The following POM121C variants were observed in gnomAD, a reference collection of about 807,000 sequenced individuals.
POM121C encodes nuclear envelope pore membrane protein POM 121C.
POM121C carries 20 observed loss-of-function variants against 66.4 expected under a neutral mutation model. The observed-to-expected ratio is 0.30, with a 90% confidence interval of 0.21 to 0.44. The LOEUF is 0.44. Among genes scored for constraint, POM121C ranks in the 20% least tolerant of loss-of-function variants. POM121C has a pLI of 1.00. For synonymous variants in POM121C, 286 were observed against 528.0 expected (o/e 0.54, Z 6.28); for missense variants, 580 against 1,225.7 (o/e 0.47, Z 7.87).
At chr7:75,466,020 A>C (rs1236971665) in intron 3 of POM121C, among the ~76,000 whole-genome samples, 1 of 150,818 alleles carries the variant, frequency 6.6e-6, no homozygotes, top group Non-Finnish European at 1.5e-5. Context: ...AGTATTTGAG[A>C]GACTGTGGTG....
rs2116312487 is a variant in POM121C at position 75,418,765 on chromosome 7, G to A, written c.*31C>T. The A allele has an allele frequency of 6.4e-7, 1 of 1,567,978 alleles. No homozygotes were observed. Reference sequence around the variant, plus strand: ...GTGCCAAGGTCCAGATTTAGGGAAGGGGTGGGGGGAACAGGGACAGGGGAC... The same window carrying A: ...GTGCCAAGGTCCAGATTTAGGGAAGAGGTGGGGGGAACAGGGACAGGGGAC... On this transcript the variant is annotated 3_prime_UTR_variant, in exon 15 of 15. Coordinates refer to ENST00000615331, the MANE Select transcript of POM121C (RefSeq NM_001099415.3).
intron 7 of POM121C, among the ~76,000 whole-genome samples, chr7:75,431,646 C>T (rs782078555): frequency 1.3e-4 from 19 of 145,832 alleles, no homozygotes; most frequent in Non-Finnish European, 2.6e-4. Context: ...AACTGAAACA[C>T]TCCCTTTAAT....
intron 3 of POM121C, among the ~76,000 whole-genome samples, chr7:75,470,570 T>C (rs1791832321): frequency 6.6e-6 from 1 of 151,816 alleles, no homozygotes; most frequent in East Asian, 2.0e-4. Context: ...GCAATCCTCT[T>C]TTACCTCAAC....
Position 75,422,171 on chromosome 7 carries a change from G to A in POM121C, c.2081C>T (p.Pro694Leu), listed in dbSNP as rs782118237. The change falls in exon 13 of 15, where the codon CCG becomes CTG. Residue 694 changes from proline (P) to leucine (L), a missense_variant. By Grantham distance (98) the Pro-to-Leu change is moderately conservative. Transcript: ENST00000615331. ...GTTGGCTCCCGGATATGATGGGAGC[G>A]GGGACTTGGCGCTTGAGCCAAAGGG... ...NIPFGSSAKS[P>L]LPSYPGANPQ... 5.0e-4 allele frequency: 806 copies of A among 1,606,842 alleles called. No homozygotes were observed. The highest frequency in any genetic ancestry group is 8.9e-4 in the Middle Eastern group (4 of 4,496).
chr7:75,419,025 A>G (rs1789583697), intron 14 of POM121C, 132 bp from the exon 15 acceptor site: 1 of 1,456,000 alleles, frequency 6.9e-7, no homozygotes, highest in Non-Finnish European at 9.1e-7. Context: ...CCGCTGCGTC[A>G]GAAACACTGT....
At chr7:75,454,946 T>C (rs1554476143) in intron 3 of POM121C, among the ~76,000 whole-genome samples, 1 of 152,224 alleles carries the variant, frequency 6.6e-6, no homozygotes, top group East Asian at 1.9e-4. Flanking sequence ...TACCTTGGAT[T>C]GAATGGTCTC....
chr7:75,463,399 A>G (rs1554477309), intron 3 of POM121C, among the ~76,000 whole-genome samples: 3 of 151,626 alleles, frequency 2.0e-5, no homozygotes, highest in Non-Finnish European at 4.4e-5. Context: ...GGACTGCTCC[A>G]GTGCCCCAGC....
chr7:75,434,707 C>T (rs12154789), intron 7 of POM121C, among the ~76,000 whole-genome samples: 9,648 of 151,672 alleles, frequency 0.064, 433 homozygotes, highest in Non-Finnish European at 0.095. Context: ...CTCAGCGTCC[C>T]GAGTAGCTGG....
At chr7:75,425,437 A>G in intron 9 of POM121C, 198 bp downstream of exon 9, 12 of 1,348,778 alleles carry the variant, frequency 8.9e-6, no homozygotes, top group Middle Eastern at 2.7e-4. Context: ...CCTCTATCCA[A>G]TCGTTAGCCC....
intron 4 of POM121C, 92 bp from the exon 5 acceptor site, chr7:75,441,207 T>A (rs1790634167): frequency 6.4e-7 from 1 of 1,559,052 alleles, no homozygotes; most frequent in Non-Finnish European, 8.7e-7. Context: ...CAGGCCAAAG[T>A]ATAATTTATA....
chr7:75,475,328 T>C (rs1792035965), intron 1 of POM121C, 140 bp from the exon 2 acceptor site: 2 of 906,106 alleles, frequency 2.2e-6, no homozygotes, highest in Non-Finnish European at 3.3e-6. Flanking sequence ...GAAATCATAT[T>C]GGAAACACAT....
At chr7:75,438,685 T>C (rs1365554280) in intron 6 of POM121C, among the ~76,000 whole-genome samples, 2 of 152,232 alleles carry the variant, frequency 1.3e-5, no homozygotes, top group African/African-American at 2.4e-5. Flanking sequence ...AGGAGCACTT[T>C]AGCTTTCCTG....
intron 3 of POM121C, among the ~76,000 whole-genome samples, chr7:75,447,922 G>A (rs1790880615): frequency 6.6e-6 from 1 of 151,952 alleles, no homozygotes. Flanking sequence ...TGCTCGGGAG[G>A]CTGAGGCAGG....
intron 3 of POM121C, among the ~76,000 whole-genome samples, chr7:75,452,801 C>A (rs1791063410): frequency 6.6e-6 from 1 of 152,160 alleles, no homozygotes; most frequent in African/African-American, 2.4e-5. Context: ...GTTTGGAACC[C>A]CTAGCCTCTC....
intron 13 of POM121C, 115 bp downstream of exon 13, chr7:75,421,394 T>C: frequency 7.8e-6 from 12 of 1,530,448 alleles, no homozygotes; most frequent in Non-Finnish European, 9.7e-6. Context: ...CACTGAGTTC[T>C]ATATTCAGTG....
chr7:75,442,092 G>C (rs1281598218), intron 3 of POM121C: 3 of 1,367,426 alleles, frequency 2.2e-6, no homozygotes, highest in Admixed American at 3.6e-5. Context: ...TCAAGTCCTC[G>C]ATTTCAAGCC....
intron 7 of POM121C, among the ~76,000 whole-genome samples, chr7:75,428,748 G>A (rs782152641): frequency 8.5e-5 from 13 of 152,224 alleles, no homozygotes; most frequent in Non-Finnish European, 1.8e-4. Context: ...AGGAGGCTGA[G>A]GCAGGAGGAT....
chr7:75,441,628 C>T lies in POM121C; in HGVS notation c.-132G>A. 1.3e-6 allele frequency: 2 copies of T among 1,561,190 alleles called. No homozygotes were observed. Among genetic ancestry groups the T allele is most frequent in the South Asian group, 1.2e-5 (1 of 85,598 alleles). ...CTTCGAGGTGTTATTACAAACCGAT[C>T]TGGTAAAGTCCCACGATCCCTGCAG... is the stretch of plus-strand genomic sequence containing the variant. On this transcript the variant is annotated 5_prime_UTR_variant, in exon 4 of 15. Coordinates refer to ENST00000615331, the MANE Select transcript of POM121C (RefSeq NM_001099415.3).
intron 1 of POM121C, among the ~76,000 whole-genome samples, chr7:75,485,499 G>T (rs1178929873): frequency 2.0e-5 from 3 of 151,540 alleles, no homozygotes; most frequent in Non-Finnish European, 3.0e-5. Flanking sequence ...ATTCTCCCAG[G>T]GCAGGTCTAA....
Sources: gnomAD v4.1 joint callset for allele counts (sites outside exome capture counted in the v4.1 genomes callset) on GRCh38, gnomAD v4.1.1 for gene constraint, MANE v1.5 for transcripts, NCBI Gene and HGNC (gene_info 2026-07-23, HGNC 2026-07-21) for gene names.